Variants in SERPINE2 observed in about 807,000 individuals in gnomAD.
The protein encoded by SERPINE2 is serpin family E member 2.
Under a neutral mutation model 36.3 loss-of-function variants are expected in SERPINE2, and 14 were observed. That is an observed-to-expected ratio of 0.39 (90% CI 0.25 to 0.60). SERPINE2 has a LOEUF of 0.60. SERPINE2 is among the 20% of genes least tolerant of loss of function. The pLI is 0.57. For synonymous variants in SERPINE2, 192 were observed against 191.8 expected, an observed-to-expected ratio of 1.00 and a Z score of -0.01; for missense variants, 418 against 499.6, an observed-to-expected ratio of 0.84 and a Z score of 1.56.
At chr2:223,982,936 G>A (rs1690274349) in intron 5 of SERPINE2, among the ~76,000 whole-genome samples, 155 bp from the exon 6 acceptor site, 2 of 152,190 alleles carry the variant, frequency 1.3e-5, no homozygotes, top group African/African-American at 4.8e-5. Context: ...TTAAATACCA[G>A]ATAAGTAAAG....
At chr2:224,006,633 A>G (rs1691435207) in intron 1 of SERPINE2, among the ~76,000 whole-genome samples, 1 of 152,222 alleles carries the variant, frequency 6.6e-6, no homozygotes, top group Non-Finnish European at 1.5e-5. Context: ...TGGTGCCCAC[A>G]GGGTCAGTTT....
intron 4 of SERPINE2, among the ~76,000 whole-genome samples, chr2:223,985,415 C>A (rs946294460): frequency 6.6e-6 from 1 of 151,608 alleles, no homozygotes; most frequent in Non-Finnish European, 1.5e-5. Context: ...TTAACATATC[C>A]ATTATCTCAC....
At position 224,001,983 on chromosome 2, in the gene SERPINE2, T is replaced by C. The variant is rs1691193625; in HGVS notation, c.-22-61A>G. The C allele has an allele frequency of 3.5e-6, 5 of 1,420,564 alleles. No homozygotes were observed. The Admixed American group carries it at 1.3e-4, about 36-fold the overall frequency. 88.0% of individuals were successfully genotyped at this position (1,420,564 alleles called of 1,614,324 possible). On this transcript the variant is annotated intron_variant, in intron 1 of 8. Transcript: ENST00000409304. ...TTAAATGGGTACTTTACTACTTTTT[T>C]TTTTTTTCCCCCAGATAGAGACTCG...
In SERPINE2 at chr2:223,995,224, G is replaced by A. The variant is rs11889682; in HGVS notation, c.487+2891C>T. On this transcript the variant is annotated intron_variant, in intron 3 of 8. Coordinates refer to ENST00000409304, the MANE Select transcript of SERPINE2 (RefSeq NM_001136528.2). ...ATGGGTCTCCTCCTGCAAAAGGCCTGCGCGTTGGGCTCTCCCACTCTCTGT... is the reference window on the plus strand; with the variant it reads ...ATGGGTCTCCTCCTGCAAAAGGCCTACGCGTTGGGCTCTCCCACTCTCTGT... Among the ~76,000 whole-genome samples the A allele has an allele frequency of 7.7e-3, 1,178 of 152,258 alleles. 15 individuals carry two copies. The highest frequency in any genetic ancestry group is 0.024 in the African/African-American group (988 of 41,554).
chr2:223,976,639 G>A (rs1379959900), intron 8 of SERPINE2, among the ~76,000 whole-genome samples: 11 of 152,172 alleles, frequency 7.2e-5, no homozygotes, highest in Admixed American at 7.2e-4. Context: ...GCCTACTCTT[G>A]TACCAACAAG....
At chr2:224,001,977 C>CTTT in intron 1 of SERPINE2, 55 bp from the exon 2 acceptor site, 7 of 1,198,854 alleles carry the variant, frequency 5.8e-6, no homozygotes, top group Non-Finnish European at 7.8e-6. Flanking sequence ...TACTTTACTA[C>CTTT]TTTTTTTTTT....
At chr2:223,979,737 T>C (rs1232967407) in intron 7 of SERPINE2, 1 of 152,270 alleles carries the variant, frequency 6.6e-6, no homozygotes, top group Non-Finnish European at 1.5e-5. Flanking sequence ...TTCTTCGGTT[T>C]ATCCTGGATA....
At chr2:224,023,374 A>G (rs1464511675) in intron 1 of SERPINE2, among the ~76,000 whole-genome samples, 1 of 152,204 alleles carries the variant, frequency 6.6e-6, no homozygotes, top group Non-Finnish European at 1.5e-5. Flanking sequence ...GACACCATAC[A>G]AATAAAATGC....
In SERPINE2 at chr2:224,028,213, C is replaced by T. The variant is rs527637181; in HGVS notation, c.-23+10886G>A. 1.2e-4 allele frequency among the ~76,000 whole-genome samples: 19 copies of T among 152,336 alleles called. No individual in the cohort carries two copies. The South Asian group carries it at 3.5e-3, about 28-fold the overall frequency. On this transcript the variant is annotated intron_variant, in intron 1 of 8. Coordinates refer to ENST00000409304, the MANE Select transcript of SERPINE2 (RefSeq NM_001136528.2). ...CGTGAATTCTCAACCTGCCACAGCC[C>T]TGCCTTTGCCAAGCAACTTGAGTCA... is the stretch of plus-strand genomic sequence containing the variant.
intron 1 of SERPINE2, among the ~76,000 whole-genome samples, chr2:224,036,283 T>C (rs1365440184): frequency 2.1e-5 from 3 of 144,478 alleles, no homozygotes; most frequent in Non-Finnish European, 4.5e-5. Context: ...CCCCAAGAGG[T>C]AGCAGAGATG....
intron 1 of SERPINE2, chr2:224,031,009 T>C: frequency 1.0e-6 from 1 of 985,394 alleles, no homozygotes; most frequent in Non-Finnish European, 1.2e-6. Flanking sequence ...GTATCATGTG[T>C]TTTGGTTGTG....
intron 1 of SERPINE2, among the ~76,000 whole-genome samples, chr2:224,013,581 A>G (rs1287131224): frequency 6.6e-6 from 1 of 152,180 alleles, no homozygotes; most frequent in Non-Finnish European, 1.5e-5. Context: ...TGGTTGTAAG[A>G]ATAATTTAGA....
At chr2:223,993,996 G>A (rs1559201742) in intron 3 of SERPINE2, among the ~76,000 whole-genome samples, 1 of 152,130 alleles carries the variant, frequency 6.6e-6, no homozygotes, top group African/African-American at 2.4e-5. Flanking sequence ...GTTGTTTCTT[G>A]CCTCTGCTGG....
chr2:224,027,922 T>C (rs1220429773), intron 1 of SERPINE2, among the ~76,000 whole-genome samples: 1 of 152,178 alleles, frequency 6.6e-6, no homozygotes, highest in Non-Finnish European at 1.5e-5. Context: ...GTGTGGGGTG[T>C]ATACATTAAG....
chr2:224,024,985 C>T (rs1384676815), intron 1 of SERPINE2, among the ~76,000 whole-genome samples: 1 of 152,118 alleles, frequency 6.6e-6, no homozygotes, highest in African/African-American at 2.4e-5. Context: ...ACAATGATCC[C>T]CAACAATGGG....
chr2:224,024,355 C>T (rs566340325), intron 1 of SERPINE2, among the ~76,000 whole-genome samples: 11 of 152,304 alleles, frequency 7.2e-5, no homozygotes, highest in African/African-American at 1.9e-4. Context: ...GCTCAGAAAC[C>T]ATGTTAAGTG....
At chr2:224,026,364 T>C (rs1185282057) in intron 1 of SERPINE2, among the ~76,000 whole-genome samples, 1 of 152,256 alleles carries the variant, frequency 6.6e-6, no homozygotes, top group Non-Finnish European at 1.5e-5. Flanking sequence ...AGTTATAACC[T>C]CAAGAACAAG....
chr2:223,997,665 G>T (rs1299195131), intron 3 of SERPINE2, among the ~76,000 whole-genome samples: 2 of 152,158 alleles, frequency 1.3e-5, no homozygotes, highest in African/African-American at 4.8e-5. Flanking sequence ...CAATCATAAC[G>T]GACAACAGGG....
At chr2:223,980,458 G>A in intron 6 of SERPINE2, 61 bp from the exon 7 acceptor site, 1 of 1,449,818 alleles carries the variant, frequency 6.9e-7, no homozygotes, top group Non-Finnish European at 9.7e-7. Flanking sequence ...TTGGTTGGTT[G>A]GGGAAGTAAC....
Sources: gnomAD v4.1 joint callset for allele counts (sites outside exome capture counted in the v4.1 genomes callset) on GRCh38, gnomAD v4.1.1 for gene constraint, MANE v1.5 for transcripts, NCBI Gene and HGNC (gene_info 2026-07-23, HGNC 2026-07-21) for gene names.